Variants in COL19A1 observed in about 807,000 individuals in gnomAD.
COL19A1 encodes collagen type XIX alpha 1 chain, also known as collagen alpha-1(XIX) chain.
A neutral mutation model predicts 190.2 loss-of-function variants in COL19A1; 159 were observed. The observed-to-expected ratio is 0.84, with a 90% confidence interval of 0.73 to 0.95. The LOEUF (loss-of-function observed/expected upper bound fraction) is 0.95. Among genes scored for constraint, COL19A1 ranks in the 40% least tolerant of loss-of-function variants. The pLI is 0.00. For synonymous variants in COL19A1, 509 were observed against 458.9 expected (o/e 1.11, Z -1.39); for missense variants, 1,418 against 1,431.9 (o/e 0.99, Z 0.16).
chr6:69,881,246 A>G (rs1274470887), intron 2 of COL19A1, among the ~76,000 whole-genome samples: 1 of 152,204 alleles, frequency 6.6e-6, no homozygotes, highest in Non-Finnish European at 1.5e-5. Flanking sequence ...CTTTGGGATA[A>G]TTAACAGACA....
chr6:70,120,064 C>G (rs1784798753), intron 16 of COL19A1, among the ~76,000 whole-genome samples: 1 of 152,166 alleles, frequency 6.6e-6, no homozygotes, highest in African/African-American at 2.4e-5. Flanking sequence ...GCACTCCAGC[C>G]TGGGTGACAG....
chr6:70,207,884 G>A lies in COL19A1; in HGVS notation c.*610G>A, dbSNP rs1339119296. The stretch of plus-strand genomic sequence containing the variant: ...TTTCAAAAAAAAAATGCAGGAAACT[G>A]TTTTATCAGGGAGCCCAAACACCCA... On this transcript the variant is annotated 3_prime_UTR_variant, in exon 51 of 51. Coordinates refer to ENST00000620364, the MANE Select transcript of COL19A1 (RefSeq NM_001858.6). The A allele has an allele frequency of 6.6e-6, 1 of 152,074 alleles. No homozygotes were observed. Among genetic ancestry groups the A allele is most frequent in the East Asian group, 1.9e-4 (1 of 5,190 alleles). The allele number at this position is 152,074 out of a possible 1,614,324, so 9.4% of individuals were successfully genotyped here.
chr6:69,994,877 A>G (rs564445012), intron 11 of COL19A1, among the ~76,000 whole-genome samples: 261 of 152,238 alleles, frequency 1.7e-3, no homozygotes, highest in African/African-American at 5.7e-3. Flanking sequence ...AAATGAGCCT[A>G]TGTTAGCATA....
chr6:70,021,365 T>A (rs1036412381), intron 11 of COL19A1, among the ~76,000 whole-genome samples: 39 of 152,276 alleles, frequency 2.6e-4, no homozygotes, highest in African/African-American at 8.9e-4. Flanking sequence ...CACACACATC[T>A]CTTTAATATG....
At chr6:70,195,135 T>TGA (rs1215351036) in intron 48 of COL19A1, among the ~76,000 whole-genome samples, 1 of 114,002 alleles carries the variant, frequency 8.8e-6, no homozygotes, top group South Asian at 2.5e-4. Flanking sequence ...ACATCATTGA[T>TGA]GATATATATA....
At chr6:70,035,847 A>G in intron 13 of COL19A1, 57 bp from the exon 14 acceptor site, 3 of 1,436,014 alleles carry the variant, frequency 2.1e-6, no homozygotes, top group Non-Finnish European at 2.9e-6. Context: ...AGAAATTTAT[A>G]AATAATGTGC....
intron 49 of COL19A1, chr6:70,200,055 A>G: frequency 5.5e-6 from 1 of 181,202 alleles, no homozygotes; most frequent in Non-Finnish European, 1.2e-5. Context: ...ATTATCTAGG[A>G]ATCTTAGAAT....
At chr6:69,975,520 A>G (rs967446156) in intron 11 of COL19A1, among the ~76,000 whole-genome samples, 3 of 152,230 alleles carry the variant, frequency 2.0e-5, no homozygotes, top group Admixed American at 2.0e-4. Flanking sequence ...ATCTGAGAAT[A>G]TATAGAGTTT....
At position 70,023,680 on chromosome 6, in the gene COL19A1, T is replaced by C. The variant is rs1778573842; in HGVS notation, c.1080T>C (p.Asn360=). Residue 360 remains asparagine, a splice_region_variant and synonymous_variant, in exon 12 of 51, where the codon AAT becomes AAC. Transcript: ENST00000620364. The stretch of plus-strand genomic sequence containing the variant: ...CTCTGGCTGGCCTTAATGGAGAAAA[T>C]GTAAGCCTAACTCTTTTTTCTGATA... ...DPALAGLNGE[N]GLKGDLGPHG... 2 of 1,609,910 alleles carry C rather than the reference T, an allele frequency of 1.2e-6. No individual in the cohort carries two copies. The highest frequency in any genetic ancestry group is 8.5e-7 in the Non-Finnish European group (1 of 1,178,500).
rs145098172 is a variant in COL19A1, at chr6:69,929,568, A to G, written c.534A>G (p.Ile178Met). ...DRQWHKLGIS[I>M]QSQVISLYMD... ...AGTGGCACAAACTTGGCATTAGTAT[A>G]CAATCCCAGGTCATTTCACTTTATA... The change falls in exon 6 of 51, where the codon ATA becomes ATG. Residue 178 changes from isoleucine (I) to methionine (M), a missense_variant. Transcript: ENST00000620364. The G allele has an allele frequency of 3.1e-6, 5 of 1,613,956 alleles. No individual in the cohort carries two copies. Among genetic ancestry groups the G allele is most frequent in the Non-Finnish European group, 3.4e-6 (4 of 1,179,988 alleles).
intron 4 of COL19A1, among the ~76,000 whole-genome samples, chr6:69,908,594 T>C (rs1770707096): frequency 6.6e-6 from 1 of 152,180 alleles, no homozygotes; most frequent in African/African-American, 2.4e-5. Flanking sequence ...GAATTGTTAA[T>C]AGGCAGCAAT....
At chr6:70,154,697 A>G (rs1787327962) in intron 31 of COL19A1, among the ~76,000 whole-genome samples, 1 of 152,208 alleles carries the variant, frequency 6.6e-6, no homozygotes, top group Non-Finnish European at 1.5e-5. Flanking sequence ...CAAAACCTCA[A>G]AAGTAGGGAA....
chr6:70,110,632 G>T (rs1784232825), intron 16 of COL19A1, among the ~76,000 whole-genome samples: 1 of 152,136 alleles, frequency 6.6e-6, no homozygotes, highest in African/African-American at 2.4e-5. Context: ...AGACATGCAT[G>T]TGAGGCAGCT....
chr6:69,934,219 T>A (rs186190762), intron 7 of COL19A1, among the ~76,000 whole-genome samples: 1 of 152,126 alleles, frequency 6.6e-6, no homozygotes, highest in East Asian at 1.9e-4. Context: ...ACTTCATGTA[T>A]CTCATTCCAA....
chr6:70,023,969 A>G (rs961722639), intron 12 of COL19A1, among the ~76,000 whole-genome samples: 3 of 151,774 alleles, frequency 2.0e-5, no homozygotes, highest in Admixed American at 1.3e-4. Flanking sequence ...TTCATCTTAC[A>G]TATCTTCTGC....
chr6:70,127,141 G>T (rs1256051155), intron 17 of COL19A1, among the ~76,000 whole-genome samples: 1 of 152,144 alleles, frequency 6.6e-6, no homozygotes, highest in Non-Finnish European at 1.5e-5. Context: ...TGATCTGGAG[G>T]CTGAGATGGG....
At position 69,929,436 on chromosome 6, in the gene COL19A1, A is replaced by G. The variant is rs771996460; in HGVS notation, c.402A>G (p.Val134=). The change falls in exon 6 of 51, where the codon GTA becomes GTG. Residue 134 remains valine (V), a synonymous_variant. Coordinates refer to ENST00000620364, the MANE Select transcript of COL19A1 (RefSeq NM_001858.6). ...TTACATTTTTGCAGATTTCTATAGT[A>G]GTTGATGGTGGAAAGAAGGTGGTGG... The part of the protein sequence containing the change: ...NQQNIPQISI[V]VDGGKKVVEF... The G allele has an allele frequency of 6.2e-7, 1 of 1,613,782 alleles. No homozygotes were observed.
Position 70,206,966 on chromosome 6 carries a change from C to T in COL19A1, c.3289C>T (p.Pro1097Ser), listed in dbSNP as rs763475641. Residue 1097 changes from proline to serine, a missense_variant, in exon 50 of 51, where the codon CCT becomes TCT. Pro to Ser is a moderately conservative substitution (Grantham distance 74, BLOSUM62 -1). Coordinates refer to ENST00000620364, the MANE Select transcript of COL19A1 (RefSeq NM_001858.6). ...GIGLPGSPGLPGTSALGLPGS... is the reference protein window; with the variant it reads ...GIGLPGSPGLSGTSALGLPGS... ...TGGGCTGCCAGGGAGTCCAGGTCTT[C>T]CTGGGACTTCAGGTAAGTGGGATAT... The T allele has an allele frequency of 3.4e-5, 55 of 1,613,610 alleles. No individual in the cohort carries two copies. Among genetic ancestry groups the T allele is most frequent in the Non-Finnish European group, 4.4e-5 (52 of 1,179,862 alleles).
Position 70,168,063 on chromosome 6 carries a change from A to G in COL19A1, c.2484A>G (p.Leu828=), listed in dbSNP as rs775546001. ...PFNERNGMSS[L]YKIKGGVNVP... is the part of the protein sequence containing the mutation. ...ATGAACGAAACGGCATGAGCAGTTT[A>G]TATAAAATTAAGGTATTTATATTTG... is the stretch of plus-strand genomic sequence containing the variant. The change falls in exon 38 of 51, where the codon TTA becomes TTG. Residue 828 remains leucine (L), a synonymous_variant. Coordinates refer to ENST00000620364, the MANE Select transcript of COL19A1 (RefSeq NM_001858.6). 11 of 1,596,590 alleles carry G rather than the reference A, an allele frequency of 6.9e-6. No homozygotes were observed. Among genetic ancestry groups the G allele is most frequent in the Non-Finnish European group, 9.4e-6 (11 of 1,168,838 alleles).
Sources: allele counts gnomAD v4.1 joint callset (sites outside exome capture counted in the v4.1 genomes callset), GRCh38; gene constraint gnomAD v4.1.1; transcripts MANE v1.5; gene names NCBI Gene and HGNC (gene_info 2026-07-23, HGNC 2026-07-21).